Variants in PDCD1 observed in about 807,000 individuals in gnomAD.
PDCD1 encodes programmed cell death protein 1.
PDCD1 carries 10 observed loss-of-function variants against 23.6 expected under a neutral mutation model. The ratio of observed to expected loss-of-function variants is 0.42; its 90% CI spans 0.26 to 0.72. The LOEUF (loss-of-function observed/expected upper bound fraction) is 0.72. Ranked by LOEUF, PDCD1 falls within the 30% of genes least tolerant of loss-of-function variation. The probability of loss-of-function intolerance (pLI) is 0.24; values close to 1 mark genes in which losing one functional copy is unlikely to be tolerated. For missense variants in PDCD1, 313 were observed against 397.8 expected, an observed-to-expected ratio of 0.79 and a Z score of 1.81; for synonymous variants, 168 against 169.3, an observed-to-expected ratio of 0.99 and a Z score of 0.06.
At chr2:241,858,676 C>T (rs1395919398) in intron 1 of PDCD1, 87 bp downstream of exon 1, 1 of 1,213,042 alleles carries the variant, frequency 8.2e-7, no homozygotes, top group African/African-American at 1.5e-5. Context: ...AGGCCCGCCT[C>T]AGCACCCCCC....
At position 241,852,305 on chromosome 2, in the gene PDCD1, G is replaced by A; in HGVS notation, c.485C>T (p.Pro162Leu). 1 of 1,611,182 alleles carries A rather than the reference G, an allele frequency of 6.2e-7. No homozygotes were observed. Among genetic ancestry groups the A allele is most frequent in the South Asian group, 1.1e-5 (1 of 90,928 alleles). ...PTAHPSPSPR[P>L]AGQFQTLVVG... is the part of the protein sequence containing the mutation. ...CACCAGGGTTTGGAACTGGCCGGCTGGCCTGGGTGAGGGGCTGGGGTGGGC... is the reference window on the plus strand; with the variant it reads ...CACCAGGGTTTGGAACTGGCCGGCTAGCCTGGGTGAGGGGCTGGGGTGGGC... Residue 162 changes from proline to leucine, a missense_variant, in exon 3 of 5, where the codon CCA (proline) becomes CTA (leucine). Around this residue, in one of 3 missense-constraint regions of PDCD1, gnomAD observed 158 missense variants for 177.5 expected, o/e 0.89. Coordinates refer to ENST00000334409, the MANE Select transcript of PDCD1 (RefSeq NM_005018.3).
Position 241,852,649 on chromosome 2 carries a change from C to G in PDCD1, c.408G>C (p.Glu136Asp). ...TCACCCTGAGCTCTGCCCGCAGGCTCTCTTTGATCTGCGCCTTGGGGGCCA... is the reference window on the plus strand; with the variant it reads ...TCACCCTGAGCTCTGCCCGCAGGCTGTCTTTGATCTGCGCCTTGGGGGCCA... ...ISLAPKAQIKESLRAELRVTE... is the reference protein window; with the variant it reads ...ISLAPKAQIKDSLRAELRVTE... Residue 136 changes from glutamate to aspartate, a missense_variant, in exon 2 of 5, where the codon GAG becomes GAC. By Grantham distance (45) the Glu-to-Asp change is conservative. Transcript: ENST00000334409. 1 of 1,612,836 alleles carries G rather than the reference C, an allele frequency of 6.2e-7. No homozygotes were observed. The highest frequency in any genetic ancestry group is 8.5e-7 in the Non-Finnish European group (1 of 1,179,846).
chr2:241,855,117 G>A (rs7560086), intron 1 of PDCD1, among the ~76,000 whole-genome samples: 30,055 of 150,424 alleles, frequency 0.2, 3,177 homozygotes, highest in Middle Eastern at 0.26. Context: ...CTCCTGTTCC[G>A]CCCCCCCCAA....
At chr2:241,851,809 G>A in intron 4 of PDCD1, 140 bp downstream of exon 4, 1 of 887,218 alleles carries the variant, frequency 1.1e-6, no homozygotes, top group Non-Finnish European at 1.9e-6. Context: ...TGAGGTTGCT[G>A]CCTGGGGGCT....
In PDCD1 at chr2:241,850,719, C is replaced by G; in HGVS notation, c.*339G>C. 1 of 573,646 alleles carries G rather than the reference C, an allele frequency of 1.7e-6. No homozygotes were observed. The highest frequency in any genetic ancestry group is 3.3e-6 in the Non-Finnish European group (1 of 304,842). 35.5% of individuals were successfully genotyped at this position (573,646 alleles called of 1,614,324 possible). A position where few individuals can be genotyped will look rare whatever the true frequency, so the allele number is the denominator to read the frequency against. On this transcript the variant is annotated 3_prime_UTR_variant, in exon 5 of 5. Transcript: ENST00000334409. ...GGCCACGGCGCCTTCAGCCCCGGGC[C>G]GCAGGCAGCAGCAGCAGCAGCAGCA...
At chr2:241,857,643 C>T (rs969817303) in intron 1 of PDCD1, among the ~76,000 whole-genome samples, 3 of 152,180 alleles carry the variant, frequency 2.0e-5, no homozygotes, top group Non-Finnish European at 2.9e-5. Context: ...TAAGAGGTGG[C>T]GCTGAGGCAG....
At chr2:241,854,580 G>C (rs972278121) in intron 1 of PDCD1, among the ~76,000 whole-genome samples, 2 of 152,196 alleles carry the variant, frequency 1.3e-5, no homozygotes, top group African/African-American at 4.8e-5. Flanking sequence ...AGGGCCAAGA[G>C]GGCTCCTGGG....
rs1050275194 is a variant in PDCD1 at position 241,851,854 on chromosome 2, G to A, written c.627+95C>T. On this transcript the variant is annotated intron_variant, in intron 4 of 4. Transcript: ENST00000334409. ...GGGTCCTGGCTATAATAGAATGTGA[G>A]TCCTGCAGGCCGTGTGGTCCCAGCC... The A allele has an allele frequency of 5.1e-6, 6 of 1,186,298 alleles. No homozygotes were observed. The South Asian group carries it at 7.3e-5, about 14-fold the overall frequency. 73.5% of individuals were successfully genotyped at this position (1,186,298 alleles called of 1,614,324 possible).
intron 1 of PDCD1, among the ~76,000 whole-genome samples, chr2:241,854,114 T>C (rs1003514287): frequency 8.6e-5 from 13 of 151,970 alleles, no homozygotes; most frequent in Admixed American, 3.9e-4. Context: ...GGTGGGTGGG[T>C]CTGTCATGTG....
chr2:241,856,178 GC>G (rs1701020991), intron 1 of PDCD1, among the ~76,000 whole-genome samples: 1 of 152,206 alleles, frequency 6.6e-6, no homozygotes, highest in Admixed American at 6.5e-5. Flanking sequence ...CGACCCTGTG[GC>G]CCCTCGGTCC....
chr2:241,851,382 G>T, intron 4 of PDCD1, 85 bp from the exon 5 acceptor site: 1 of 1,432,490 alleles, frequency 7.0e-7, no homozygotes, highest in Non-Finnish European at 9.5e-7. Context: ...CTGCAGTACC[G>T]GCACCGAACC....
chr2:241,852,635 T>G lies in PDCD1; in HGVS notation c.422A>C (p.Glu141Ala). The change falls in exon 2 of 5, where the codon GAG (glutamate) becomes GCG (alanine). Residue 141 changes from glutamate (E) to alanine (A), a missense_variant. By Grantham distance (107) the Glu-to-Ala change is moderately radical (BLOSUM62 -1). This residue lies in a region of PDCD1 where 20 missense variants were observed against 53.3 expected (regional missense o/e 0.38). Transcript: ENST00000334409. Reference protein sequence around the residue: ...KAQIKESLRAELRVTERRAEV... With the variant: ...KAQIKESLRAALRVTERRAEV... Reference sequence around the variant, plus strand: ...CGAGGCCGCACCTGTCACCCTGAGCTCTGCCCGCAGGCTCTCTTTGATCTG... The same window carrying G: ...CGAGGCCGCACCTGTCACCCTGAGCGCTGCCCGCAGGCTCTCTTTGATCTG... 6.2e-7 allele frequency: 1 copy of G among 1,611,702 alleles called. No individual in the cohort carries two copies.
At chr2:241,858,490 T>G (rs1303438318) in intron 1 of PDCD1, among the ~76,000 whole-genome samples, 2 of 145,326 alleles carry the variant, frequency 1.4e-5, no homozygotes, top group Non-Finnish European at 3.0e-5. Context: ...AGGGGAGGAG[T>G]TGGGGCCCAG....
rs1381223113 is a variant in PDCD1 at position 241,851,117 on chromosome 2, C to T, written c.808G>A (p.Gly270Ser). The T allele has an allele frequency of 9.3e-6, 15 of 1,613,106 alleles. No homozygotes were observed. Among genetic ancestry groups the T allele is most frequent in the South Asian group, 6.6e-5 (6 of 91,082 alleles). The change falls in exon 5 of 5, where the codon GGC becomes AGC. Residue 270 changes from glycine to serine, a missense_variant. Gly to Ser is a moderately conservative substitution (Grantham distance 56, BLOSUM62 0). Transcript: ENST00000334409. Reference sequence around the variant, plus strand: ...CTCAGTGGCTGGGCACTCCGAGGGCCGTCAGCTGAGCCCCTGCGGGCGGGG... The same window carrying T: ...CTCAGTGGCTGGGCACTCCGAGGGCTGTCAGCTGAGCCCCTGCGGGCGGGG... ...SSPARRGSAD[G>S]PRSAQPLRPE...
At position 241,850,110 on chromosome 2, in the gene PDCD1, G is replaced by A. The variant is rs55704165; in HGVS notation, c.*948C>T. 6.0e-4 allele frequency: 137 copies of A among 229,006 alleles called. No individual in the cohort carries two copies. Among genetic ancestry groups the A allele is most frequent in the Non-Finnish European group, 9.4e-4 (109 of 115,454 alleles). 14.2% of individuals were successfully genotyped at this position (229,006 alleles called of 1,614,324 possible). On this transcript the variant is annotated 3_prime_UTR_variant, in exon 5 of 5. Transcript: ENST00000334409. ...CCCACCCAGGCCCTGGTGGGAGCCC[G>A]GCCAACCCCTTTAAATAATTTCAGG...
chr2:241,851,149 G>T lies in PDCD1; in HGVS notation c.776C>A (p.Thr259Asn). The T allele has an allele frequency of 6.2e-7, 1 of 1,613,494 alleles. No homozygotes were observed. The highest frequency in any genetic ancestry group is 1.1e-5 in the South Asian group (1 of 91,084). ...TGAGCCCCTGCGGGCGGGGGATGAGGTGCCCATTCCGCTAGGAAAGACAAT... is the reference window on the plus strand; with the variant it reads ...TGAGCCCCTGCGGGCGGGGGATGAGTTGCCCATTCCGCTAGGAAAGACAAT... ...ATIVFPSGMG[T>N]SSPARRGSAD... The change falls in exon 5 of 5, where the codon ACC becomes AAC. Residue 259 changes from threonine (T) to asparagine (N), a missense_variant. Transcript: ENST00000334409.
chr2:241,858,668 G>T, intron 1 of PDCD1, 95 bp downstream of exon 1: 1 of 1,087,612 alleles, frequency 9.2e-7, no homozygotes, highest in Non-Finnish European at 1.4e-6. Context: ...CCAGGGCCAG[G>T]CCCGCCTCAG....
At chr2:241,852,530 C>T (rs1044160550) in intron 2 of PDCD1, 91 bp downstream of exon 2, 22 of 1,468,688 alleles carry the variant, frequency 1.5e-5, no homozygotes, top group African/African-American at 1.1e-4. Context: ...CCCTGCCCTA[C>T]GACCCTGGAG....
At position 241,851,101 on chromosome 2, in the gene PDCD1, T is replaced by C; in HGVS notation, c.824A>G (p.Gln275Arg). The C allele has an allele frequency of 6.2e-7, 1 of 1,613,052 alleles. No individual in the cohort carries two copies. Among genetic ancestry groups the C allele is most frequent in the African/African-American group, 1.3e-5 (1 of 75,026 alleles). ...RGSADGPRSA[Q>R]PLRPEDGHCS... ...GTGTCCATCCTCAGGCCTCAGTGGC[T>C]GGGCACTCCGAGGGCCGTCAGCTGA... The change falls in exon 5 of 5, where the codon CAG (glutamine) becomes CGG (arginine). Residue 275 changes from glutamine to arginine, a missense_variant. Physicochemically the swap from Gln to Arg is conservative, Grantham distance 43. Coordinates refer to ENST00000334409, the MANE Select transcript of PDCD1 (RefSeq NM_005018.3).
Sources: allele counts gnomAD v4.1 joint callset (sites outside exome capture counted in the v4.1 genomes callset), GRCh38; gene constraint gnomAD v4.1.1; regional missense constraint gnomAD v4.1.1; transcripts MANE v1.5; gene names NCBI Gene and HGNC (gene_info 2026-07-23, HGNC 2026-07-21).